Variants in PRKACB observed in about 807,000 individuals in gnomAD.
The protein encoded by PRKACB is protein kinase cAMP-activated catalytic subunit beta, also known as cAMP-dependent protein kinase catalytic subunit beta.
In PRKACB, 16 loss-of-function variants were observed where a neutral mutation model predicts 51.4. That is an observed-to-expected ratio of 0.31 (90% CI 0.21 to 0.47). The LOEUF (loss-of-function observed/expected upper bound fraction) is 0.47, where lower values mean the gene tolerates loss of function less well. Among genes scored for constraint, PRKACB ranks in the 20% least tolerant of loss-of-function variants. The pLI, the probability that PRKACB is intolerant of heterozygous loss-of-function variation, is 1.00. For missense variants in PRKACB, 309 were observed against 464.5 expected (o/e 0.67, Z 3.08); for synonymous variants, 147 against 154.4 (o/e 0.95, Z 0.35).
At chr1:84,234,813 C>T (rs1022963450) in intron 9 of PRKACB, among the ~76,000 whole-genome samples, 1 of 152,212 alleles carries the variant, frequency 6.6e-6, no homozygotes, top group Non-Finnish European at 1.5e-5. Flanking sequence ...CGCCCACTGT[C>T]TGGCACTCCC....
At chr1:84,191,467 G>A (rs2101106935) in intron 5 of PRKACB, among the ~76,000 whole-genome samples, 1 of 152,144 alleles carries the variant, frequency 6.6e-6, no homozygotes, top group African/African-American at 2.4e-5. Context: ...GTTAAATGTG[G>A]TATATATACA....
intron 1 of PRKACB, among the ~76,000 whole-genome samples, chr1:84,138,153 A>C (rs1208132182): frequency 6.6e-6 from 1 of 152,158 alleles, no homozygotes; most frequent in Non-Finnish European, 1.5e-5. Flanking sequence ...TGGGGCAGGA[A>C]ATACACAAAG....
intron 9 of PRKACB, among the ~76,000 whole-genome samples, chr1:84,228,098 C>A (rs989934978): frequency 2.6e-5 from 4 of 151,990 alleles, no homozygotes; most frequent in Non-Finnish European, 5.9e-5. Context: ...GCAGGGCGTG[C>A]AAGGCAACCA....
At chr1:84,222,736 T>C (rs950260516) in intron 9 of PRKACB, among the ~76,000 whole-genome samples, 10 of 152,198 alleles carry the variant, frequency 6.6e-5, no homozygotes, top group African/African-American at 2.4e-4. Flanking sequence ...GGAAAGACTT[T>C]TTTTCTCCTT....
chr1:84,078,856 G>T (rs1017789139), intron 1 of PRKACB, among the ~76,000 whole-genome samples: 2 of 152,176 alleles, frequency 1.3e-5, no homozygotes, highest in African/African-American at 2.4e-5. Flanking sequence ...GGCTAATCCT[G>T]AGTGGACAAC....
At chr1:84,183,709 A>G (rs961390279) in intron 3 of PRKACB, among the ~76,000 whole-genome samples, 1 of 151,822 alleles carries the variant, frequency 6.6e-6, no homozygotes, top group Non-Finnish European at 1.5e-5. Context: ...CATAATTGAC[A>G]TAACTAATTT....
chr1:84,228,323 A>G (rs569242150), intron 9 of PRKACB, among the ~76,000 whole-genome samples: 3 of 152,344 alleles, frequency 2.0e-5, no homozygotes, highest in African/African-American at 7.2e-5. Flanking sequence ...GCTCTGGGCC[A>G]GAAGTGGAGA....
intron 1 of PRKACB, among the ~76,000 whole-genome samples, chr1:84,111,700 A>G (rs1650242678): frequency 6.6e-6 from 1 of 152,026 alleles, no homozygotes; most frequent in Non-Finnish European, 1.5e-5. Context: ...ACAAACCTGC[A>G]CATGTACCCC....
At chr1:84,173,306 T>C in intron 1 of PRKACB, 1 of 1,553,076 alleles carries the variant, frequency 6.4e-7, no homozygotes, top group Non-Finnish European at 8.8e-7. Flanking sequence ...TTATTTAATC[T>C]CTGTTTATTC....
In PRKACB at chr1:84,236,187, A is replaced by G. The variant is rs11552592; in HGVS notation, c.*882A>G. The G allele has an allele frequency of 6.6e-6, 1 of 152,666 alleles. No homozygotes were observed. The highest frequency in any genetic ancestry group is 6.5e-5 in the Admixed American group (1 of 15,286). The allele number at this position is 152,666 out of a possible 1,614,324, so 9.5% of individuals were successfully genotyped here. ...GTATTTTAATAGAACATGATTAATGAAAGTGACAAATTTTAAATTTTCTCT... is the reference window on the plus strand; with the variant it reads ...GTATTTTAATAGAACATGATTAATGGAAGTGACAAATTTTAAATTTTCTCT... On this transcript the variant is annotated 3_prime_UTR_variant, in exon 10 of 10. Coordinates refer to ENST00000370685, the MANE Select transcript of PRKACB (RefSeq NM_182948.4).
intron 5 of PRKACB, among the ~76,000 whole-genome samples, chr1:84,188,201 T>G (rs1466097771): frequency 8.6e-6 from 1 of 115,890 alleles, no homozygotes; most frequent in African/African-American, 2.9e-5. Context: ...ACCAAAATAT[T>G]TAAGAACTAA....
At chr1:84,096,435 A>G (rs1316637281) in intron 1 of PRKACB, among the ~76,000 whole-genome samples, 1 of 152,136 alleles carries the variant, frequency 6.6e-6, no homozygotes, top group Admixed American at 6.6e-5. Flanking sequence ...TCTTGGCCCT[A>G]AAGTCTCTGA....
At chr1:84,215,879 T>A (rs529192024) in intron 9 of PRKACB, among the ~76,000 whole-genome samples, 19 of 152,258 alleles carry the variant, frequency 1.2e-4, no homozygotes, top group African/African-American at 4.3e-4. Flanking sequence ...ATTTTTTTCT[T>A]CTTTTTTTTC....
chr1:84,220,196 TTTTA>T (rs1572520037), intron 9 of PRKACB, among the ~76,000 whole-genome samples: 1 of 152,194 alleles, frequency 6.6e-6, no homozygotes, highest in Non-Finnish European at 1.5e-5. Context: ...TTCCTAGGTA[TTTTA>T]TTTATTTTTT....
intron 8 of PRKACB, among the ~76,000 whole-genome samples, chr1:84,210,569 T>A (rs146421881): frequency 0.019 from 2,848 of 152,292 alleles, 41 homozygotes; most frequent in Non-Finnish European, 0.028. Context: ...ATCTTTAAAA[T>A]GAGAGTTTAG....
intron 1 of PRKACB, among the ~76,000 whole-genome samples, chr1:84,084,083 G>A (rs1647770831): frequency 6.6e-6 from 1 of 152,174 alleles, no homozygotes; most frequent in Non-Finnish European, 1.5e-5. Context: ...GGGAAAGAAT[G>A]GTCATTTCCA....
intron 1 of PRKACB, among the ~76,000 whole-genome samples, chr1:84,106,637 C>T (rs776978935): frequency 6.6e-6 from 1 of 152,094 alleles, no homozygotes; most frequent in East Asian, 1.9e-4. Context: ...ACTCCATGCT[C>T]TTAGATAGGA....
At chr1:84,093,049 T>C (rs151219459) in intron 1 of PRKACB, among the ~76,000 whole-genome samples, 1 of 152,214 alleles carries the variant, frequency 6.6e-6, no homozygotes, top group African/African-American at 2.4e-5. Flanking sequence ...CCTTTTCACT[T>C]TCTTAACGAT....
chr1:84,218,481 G>A, intron 9 of PRKACB, among the ~76,000 whole-genome samples: 1 of 152,082 alleles, frequency 6.6e-6, no homozygotes, highest in East Asian at 1.9e-4. Context: ...TGCTACAAAT[G>A]ACAAGATTTC....
Sources: allele counts gnomAD v4.1 joint callset (sites outside exome capture counted in the v4.1 genomes callset), GRCh38; gene constraint gnomAD v4.1.1; transcripts MANE v1.5; gene names NCBI Gene and HGNC (gene_info 2026-07-23, HGNC 2026-07-21).